SNX29: variants seen among roughly 807,000 people sequenced by gnomAD.
SNX29 encodes sorting nexin-29.
SNX29 carries 78 observed loss-of-function variants against 102.1 expected under a neutral mutation model. The ratio of observed to expected loss-of-function variants is 0.76; its 90% CI spans 0.64 to 0.92. SNX29 has a LOEUF of 0.92. SNX29 is among the 40% of genes least tolerant of loss of function. The pLI, the probability that SNX29 is intolerant of heterozygous loss-of-function variation, is 0.00. For synonymous variants in SNX29, 580 were observed against 414.5 expected, an observed-to-expected ratio of 1.40 and a Z score of -4.85; for missense variants, 1,280 against 1,061.7, an observed-to-expected ratio of 1.21 and a Z score of -2.86.
intron 11 of SNX29, among the ~76,000 whole-genome samples, chr16:12,083,920 C>T (rs1392052180): frequency 2.0e-5 from 3 of 152,228 alleles, no homozygotes; most frequent in South Asian, 2.1e-4. Flanking sequence ...TAATTTAATC[C>T]TCAGTGCCTG....
intron 13 of SNX29, 71 bp from the exon 14 acceptor site, chr16:12,199,530 C>A (rs1350470804): frequency 7.4e-6 from 10 of 1,347,310 alleles, no homozygotes; most frequent in East Asian, 2.5e-5. Flanking sequence ...ACCACCCACC[C>A]CTGCCCCCTC....
chr16:12,218,387 C>T (rs2077382162), intron 14 of SNX29, among the ~76,000 whole-genome samples: 1 of 152,192 alleles, frequency 6.6e-6, no homozygotes, highest in South Asian at 2.1e-4. Flanking sequence ...CAGTCTATGT[C>T]AGGAGTTGGG....
intron 15 of SNX29, among the ~76,000 whole-genome samples, chr16:12,328,959 C>T (rs1285844072): frequency 6.6e-6 from 1 of 151,922 alleles, no homozygotes; most frequent in Non-Finnish European, 1.5e-5. Flanking sequence ...CCTTGGTGGG[C>T]TTTTCATCTA....
chr16:12,480,796 G>A lies in SNX29; in HGVS notation c.2178+2937G>A, dbSNP rs79544405. ...CTCTGAGGAGTGGGAGGGTTTTTCT[G>A]GTGTTGCATCCTGTAGAAAGAGGGC... On this transcript the variant is annotated intron_variant, in intron 19 of 20. Coordinates refer to ENST00000566228, the MANE Select transcript of SNX29 (RefSeq NM_032167.5). Among the ~76,000 whole-genome samples the A allele has an allele frequency of 4.5e-4, 69 of 152,306 alleles. No individual in the cohort carries two copies. The East Asian group carries it at 0.013, about 28-fold the overall frequency.
intron 11 of SNX29, among the ~76,000 whole-genome samples, chr16:12,092,199 G>A (rs1175405007): frequency 6.6e-6 from 1 of 152,096 alleles, no homozygotes; most frequent in Non-Finnish European, 1.5e-5. Context: ...AGCTCCCTGA[G>A]TAGACACACT....
chr16:12,537,999 A>G (rs1405341340), intron 20 of SNX29, among the ~76,000 whole-genome samples: 1 of 150,740 alleles, frequency 6.6e-6, no homozygotes, highest in Non-Finnish European at 1.5e-5. Context: ...AAAAAAAAAA[A>G]AAAATTGTCT....
intron 19 of SNX29, among the ~76,000 whole-genome samples, chr16:12,496,122 G>A (rs949861755): frequency 1.3e-5 from 2 of 152,216 alleles, no homozygotes; most frequent in African/African-American, 2.4e-5. Context: ...ACATGGAGAC[G>A]TGGAGCCTGA....
At chr16:12,549,220 C>T (rs879064785) in intron 20 of SNX29, among the ~76,000 whole-genome samples, 2 of 152,144 alleles carry the variant, frequency 1.3e-5, no homozygotes, top group Non-Finnish European at 2.9e-5. Flanking sequence ...TGTCTGCCAG[C>T]CATGGTGGCT....
intron 20 of SNX29, chr16:12,526,951 T>G (rs2076800431): frequency 5.1e-6 from 2 of 390,104 alleles, no homozygotes; most frequent in African/African-American, 2.0e-5. Flanking sequence ...TGTGCCTAAT[T>G]AGCACGCAGA....
chr16:12,441,879 C>T (rs1567566974), intron 18 of SNX29, among the ~76,000 whole-genome samples: 1 of 152,184 alleles, frequency 6.6e-6, no homozygotes, highest in Non-Finnish European at 1.5e-5. Context: ...ACCTCCGCCT[C>T]CTGGATTCAG....
intron 3 of SNX29, among the ~76,000 whole-genome samples, chr16:12,016,053 C>T (rs1161618739): frequency 1.3e-4 from 20 of 151,082 alleles, no homozygotes; most frequent in African/African-American, 4.1e-4. Context: ...TTATTAGAGA[C>T]GGGATTTCAC....
chr16:12,123,556 G>A (rs994113644), intron 11 of SNX29, among the ~76,000 whole-genome samples: 6 of 151,848 alleles, frequency 4.0e-5, no homozygotes, highest in Admixed American at 1.3e-4. Context: ...ATCTATGCAG[G>A]GGAATAATAT....
intron 19 of SNX29, among the ~76,000 whole-genome samples, chr16:12,496,922 A>G (rs1221723531): frequency 6.6e-6 from 1 of 151,972 alleles, no homozygotes; most frequent in Non-Finnish European, 1.5e-5. Flanking sequence ...AGCATGGGTA[A>G]TGGACAGGTT....
intron 11 of SNX29, among the ~76,000 whole-genome samples, chr16:12,092,201 A>G (rs2052582655): frequency 6.6e-6 from 1 of 152,148 alleles, no homozygotes; most frequent in Non-Finnish European, 1.5e-5. Context: ...CTCCCTGAGT[A>G]GACACACTTT....
At chr16:12,460,511 A>T (rs1310755907) in intron 18 of SNX29, among the ~76,000 whole-genome samples, 1 of 152,026 alleles carries the variant, frequency 6.6e-6, no homozygotes, top group African/African-American at 2.4e-5. Flanking sequence ...TCATCCTTCA[A>T]GGCTTTGCTC....
chr16:12,507,546 A>C (rs1260176856), intron 19 of SNX29, among the ~76,000 whole-genome samples: 1 of 98,484 alleles, frequency 1.0e-5, no homozygotes, highest in African/African-American at 3.9e-5. Context: ...TAGATCCCAG[A>C]TCTTTCCATA....
intron 15 of SNX29, among the ~76,000 whole-genome samples, chr16:12,348,320 G>C (rs992568667): frequency 1.3e-5 from 2 of 152,066 alleles, no homozygotes; most frequent in Non-Finnish European, 2.9e-5. Context: ...TTTGGAGAAG[G>C]CTTACCCTAG....
intron 16 of SNX29, among the ~76,000 whole-genome samples, chr16:12,365,950 G>T (rs943265550): frequency 1.0e-4 from 15 of 143,654 alleles, no homozygotes; most frequent in Non-Finnish European, 2.1e-4. Context: ...GCTGAGGCAG[G>T]ACAATGGCAT....
At chr16:12,434,981 G>A (rs994829582) in intron 18 of SNX29, among the ~76,000 whole-genome samples, 1 of 151,504 alleles carries the variant, frequency 6.6e-6, no homozygotes, top group Non-Finnish European at 1.5e-5. Context: ...GGGCGGTGGG[G>A]GGGGTTTGGT....
Sources: allele counts gnomAD v4.1 joint callset (sites outside exome capture counted in the v4.1 genomes callset), GRCh38; gene constraint gnomAD v4.1.1; transcripts MANE v1.5; gene names NCBI Gene and HGNC (gene_info 2026-07-23, HGNC 2026-07-21).